The following RGS17 variants were observed in gnomAD, a reference collection of about 807,000 sequenced individuals.
The protein encoded by RGS17 is regulator of G protein signaling 17, also known as regulator of G-protein signaling 17.
In RGS17, 12 loss-of-function variants were observed where a neutral mutation model predicts 25.5. The ratio of observed to expected loss-of-function variants is 0.47; its 90% CI spans 0.30 to 0.76. The LOEUF is 0.76. Ranked by LOEUF, RGS17 falls within the 30% of genes least tolerant of loss-of-function variation. RGS17 has a pLI of 0.07. For missense variants in RGS17, 196 were observed against 242.2 expected (o/e 0.81, Z 1.27); for synonymous variants, 71 against 76.9 (o/e 0.92, Z 0.40).
intron 1 of RGS17, among the ~76,000 whole-genome samples, chr6:153,095,620 T>G (rs936331096): frequency 6.6e-6 from 1 of 152,128 alleles, no homozygotes; most frequent in East Asian, 1.9e-4. Context: ...AAAGTAAGTA[T>G]TTAAAAAGGA....
intron 2 of RGS17, among the ~76,000 whole-genome samples, chr6:153,029,868 T>C (rs1199221180): frequency 6.6e-6 from 1 of 152,162 alleles, no homozygotes; most frequent in Non-Finnish European, 1.5e-5. Flanking sequence ...GGATTACATG[T>C]CTTGTTTTTT....
chr6:153,079,189 T>C (rs1036197364), intron 1 of RGS17, among the ~76,000 whole-genome samples: 1 of 152,150 alleles, frequency 6.6e-6, no homozygotes, highest in African/African-American at 2.4e-5. Context: ...GCAATTCTCC[T>C]GCCTCAGCCT....
chr6:153,097,290 ATTTTTTTTTTTTTT>A (rs3083488), intron 1 of RGS17, among the ~76,000 whole-genome samples: 2 of 88,296 alleles, frequency 2.3e-5, no homozygotes, highest in African/African-American at 9.2e-5. Context: ...CGTTTTTTTG[ATTTTTTTTTTTTTT>A]TTTTTTTTTT....
intron 1 of RGS17, among the ~76,000 whole-genome samples, chr6:153,056,092 A>C (rs9383644): frequency 0.38 from 57,899 of 151,602 alleles, 11,639 homozygotes; most frequent in East Asian, 0.61. Flanking sequence ...TAAAATAGTC[A>C]ATGGCAATTT....
At chr6:153,036,919 C>T (rs1451082847) in intron 2 of RGS17, among the ~76,000 whole-genome samples, 2 of 152,160 alleles carry the variant, frequency 1.3e-5, no homozygotes, top group Non-Finnish European at 2.9e-5. Flanking sequence ...TCCATTCCCT[C>T]AGGAGAATAC....
At chr6:153,037,413 A>C (rs1238459707) in intron 2 of RGS17, among the ~76,000 whole-genome samples, 2 of 151,766 alleles carry the variant, frequency 1.3e-5, no homozygotes, top group African/African-American at 4.9e-5. Flanking sequence ...AATGTAAGCC[A>C]AAATATGCAT....
chr6:153,126,882 A>G (rs561575152), intron 1 of RGS17, among the ~76,000 whole-genome samples: 55 of 152,348 alleles, frequency 3.6e-4, no homozygotes, highest in African/African-American at 1.2e-3. Flanking sequence ...AAAAATATCA[A>G]TTTTAATTTC....
chr6:153,048,102 A>G (rs1203326461), intron 1 of RGS17, among the ~76,000 whole-genome samples: 2 of 152,218 alleles, frequency 1.3e-5, no homozygotes, highest in East Asian at 3.9e-4. Context: ...ATTTTCCTGA[A>G]TTCAGGATGC....
chr6:153,029,012 G>T (rs925223365), intron 2 of RGS17, among the ~76,000 whole-genome samples: 1 of 152,144 alleles, frequency 6.6e-6, no homozygotes, highest in South Asian at 2.1e-4. Flanking sequence ...TCTTCTATCT[G>T]TTTCTGTGAT....
At position 153,010,194 on chromosome 6, in the gene RGS17, G is replaced by C. The variant is rs1450126033; in HGVS notation, c.*1380C>G. On this transcript the variant is annotated 3_prime_UTR_variant, in exon 5 of 5. Coordinates refer to ENST00000206262, the MANE Select transcript of RGS17 (RefSeq NM_012419.5). ...TAATATTAAAAAAATAGTCTTCAGG[G>C]GATATTAATATTCAAATGTAACACT... 1 of 151,180 alleles carries C rather than the reference G, an allele frequency of 6.6e-6. No homozygotes were observed. The highest frequency in any genetic ancestry group is 2.4e-5 in the African/African-American group (1 of 41,180). 9.4% of individuals were successfully genotyped at this position (151,180 alleles called of 1,614,324 possible). A position where few individuals can be genotyped will look rare whatever the true frequency, so the allele number is the denominator to read the frequency against.
intron 1 of RGS17, among the ~76,000 whole-genome samples, chr6:153,080,272 G>GGGCCC (rs1335490935): frequency 6.6e-6 from 1 of 152,142 alleles, no homozygotes; most frequent in Admixed American, 6.5e-5. Context: ...GCGCCACCAT[G>GGGCCC]CCCAGCCTCT....
chr6:153,066,153 G>A (rs9371666), intron 1 of RGS17, among the ~76,000 whole-genome samples: 58,404 of 151,988 alleles, frequency 0.38, 11,906 homozygotes, highest in East Asian at 0.62. Context: ...ATGAGTAACC[G>A]TGTACTGATA....
chr6:153,131,161 C>T lies in RGS17; in HGVS notation c.-63G>A, dbSNP rs1238595915. On this transcript the variant is annotated 5_prime_UTR_variant, in exon 1 of 5. Coordinates refer to ENST00000206262, the MANE Select transcript of RGS17 (RefSeq NM_012419.5). ...AGGTGTGGGCAGCGCGCCGATGGGT[C>T]CGGGGGAGCGGGGCTGGGCGGCTCG... The T allele has an allele frequency of 6.6e-6, 1 of 152,296 alleles. No homozygotes were observed. Among genetic ancestry groups the T allele is most frequent in the East Asian group, 1.9e-4 (1 of 5,152 alleles). 9.4% of individuals were successfully genotyped at this position (152,296 alleles called of 1,614,324 possible). A position where few individuals can be genotyped will look rare whatever the true frequency, so the allele number is the denominator to read the frequency against.
intron 2 of RGS17, among the ~76,000 whole-genome samples, chr6:153,032,723 T>C (rs516557): frequency 0.52 from 79,217 of 152,004 alleles, 21,004 homozygotes; most frequent in East Asian, 0.75. Context: ...TTTGCATAAC[T>C]GCAACCATTT....
intron 4 of RGS17, 140 bp from the exon 5 acceptor site, chr6:153,011,902 A>G (rs1428864496): frequency 1.7e-6 from 1 of 585,614 alleles, no homozygotes; most frequent in Non-Finnish European, 2.9e-6. Flanking sequence ...ATCTTTTGAG[A>G]CTACACAACC....
Position 153,111,369 on chromosome 6 carries a change from T to C in RGS17, c.-26+19755A>G, listed in dbSNP as rs988244364. 4.8e-4 allele frequency among the ~76,000 whole-genome samples: 73 copies of C among 152,274 alleles called. No individual in the cohort carries two copies. The Middle Eastern group carries it at 0.027, about 57-fold the overall frequency. On this transcript the variant is annotated intron_variant, in intron 1 of 4. Coordinates refer to ENST00000206262, the MANE Select transcript of RGS17 (RefSeq NM_012419.5). ...CCCCACCACAGCTCTGCCAGGCCGC[T>C]GTAGCCAGACTGCCTCTCTAGATTC...
chr6:153,038,093 G>C (rs1359926012), intron 2 of RGS17, among the ~76,000 whole-genome samples: 1 of 152,190 alleles, frequency 6.6e-6, no homozygotes, highest in African/African-American at 2.4e-5. Context: ...GAGTGAGTCA[G>C]CTTTGGCTGA....
At chr6:153,020,622 A>G (rs1023867168) in intron 4 of RGS17, among the ~76,000 whole-genome samples, 1 of 152,204 alleles carries the variant, frequency 6.6e-6, no homozygotes, top group Non-Finnish European at 1.5e-5. Context: ...TATATTTAAC[A>G]AAGAGGAACA....
At chr6:153,109,990 C>T (rs12055786) in intron 1 of RGS17, among the ~76,000 whole-genome samples, 71,060 of 152,088 alleles carry the variant, frequency 0.47, 17,236 homozygotes, top group East Asian at 0.85. Context: ...ATACTGTTTC[C>T]TAATATTTGT....
Sources: allele counts gnomAD v4.1 joint callset (sites outside exome capture counted in the v4.1 genomes callset), GRCh38; gene constraint gnomAD v4.1.1; transcripts MANE v1.5; gene names NCBI Gene and HGNC (gene_info 2026-07-23, HGNC 2026-07-21).